RBFOX3: variants seen among roughly 807,000 people sequenced by gnomAD.
RBFOX3 encodes RNA binding fox-1 homolog 3, also known as RNA binding protein fox-1 homolog 3.
RBFOX3 carries 17 observed loss-of-function variants against 48.7 expected under a neutral mutation model. The observed-to-expected ratio is 0.35, with a 90% CI of 0.24 to 0.52. The LOEUF (loss-of-function observed/expected upper bound fraction) is 0.52. Ranked by LOEUF, RBFOX3 falls within the 20% of genes least tolerant of loss-of-function variation. The probability of loss-of-function intolerance (pLI) is 0.94; values close to 1 mark genes in which losing one functional copy is unlikely to be tolerated. For missense variants in RBFOX3, 382 were observed against 497.5 expected (o/e 0.77, Z 2.21); for synonymous variants, 212 against 209.5 (o/e 1.01, Z -0.10).
chr17:79,661,056 A>T, the RBFOX3 span, among the ~76,000 whole-genome samples: 4 of 152,222 alleles, frequency 2.6e-5, no homozygotes, highest in Non-Finnish European at 4.4e-5. Context: ...ACATGTTCTT[A>T]TAAGTAGGAG....
Position 79,397,258 on chromosome 17 carries a change from G to A in RBFOX3, c.-175+85196C>T, listed in dbSNP as rs111513912. Among the ~76,000 whole-genome samples the A allele has an allele frequency of 7.5e-3, 1,140 of 152,152 alleles. 14 individuals carry two copies. Among genetic ancestry groups the A allele is most frequent in the African/African-American group, 0.026 (1,085 of 41,484 alleles). On this transcript the variant is annotated intron_variant, in intron 2 of 14. Transcript: ENST00000693108. ...AGCACTTTGGGAGGCCGAGGCAGGC[G>A]GATCATGAGGTCAAGAGATCGAAAC...
intron 4 of RBFOX3, among the ~76,000 whole-genome samples, chr17:79,137,926 A>T (rs1259430470): frequency 2.6e-5 from 4 of 152,040 alleles, no homozygotes; most frequent in Non-Finnish European, 5.9e-5. Flanking sequence ...GCGCCTGTCA[A>T]CTCGGGGCTG....
intron 2 of RBFOX3, among the ~76,000 whole-genome samples, chr17:79,333,033 A>G (rs1424669146): frequency 6.6e-6 from 1 of 151,784 alleles, no homozygotes; most frequent in East Asian, 1.9e-4. Flanking sequence ...GGTGGGGGAG[A>G]GACATATAGA....
At chr17:79,344,443 C>A (rs901247542) in intron 2 of RBFOX3, among the ~76,000 whole-genome samples, 56 of 152,138 alleles carry the variant, frequency 3.7e-4, no homozygotes, top group Admixed American at 6.5e-5. Context: ...ACAGCCACCC[C>A]CTACCAGAGC....
At chr17:79,394,143 T>A (rs761997999) in intron 2 of RBFOX3, among the ~76,000 whole-genome samples, 2 of 152,158 alleles carry the variant, frequency 1.3e-5, no homozygotes, top group Non-Finnish European at 2.9e-5. Context: ...TCTGAGTTGG[T>A]CCCCGCGCAC....
chr17:79,627,060 C>T, the RBFOX3 span, among the ~76,000 whole-genome samples: 1 of 152,196 alleles, frequency 6.6e-6, no homozygotes, highest in Non-Finnish European at 1.5e-5. Flanking sequence ...AAAGGAAAAA[C>T]CTGGGGCTCA....
chr17:79,306,411 A>G (rs28634323), intron 3 of RBFOX3, among the ~76,000 whole-genome samples: 51,916 of 152,238 alleles, frequency 0.34, 10,771 homozygotes, highest in East Asian at 0.47. Flanking sequence ...GGCTGATCAA[A>G]GGAATCAGTG....
intron 4 of RBFOX3, among the ~76,000 whole-genome samples, chr17:79,138,870 A>ACC (rs2041186830): frequency 1.6e-5 from 1 of 64,462 alleles, no homozygotes; most frequent in Non-Finnish European, 2.9e-5. Flanking sequence ...GCCCCCTCTC[A>ACC]CCCACACACG....
chr17:79,563,829 C>T (rs1218976285), intron 1 of RBFOX3, among the ~76,000 whole-genome samples: 1 of 152,190 alleles, frequency 6.6e-6, no homozygotes, highest in Non-Finnish European at 1.5e-5. Context: ...ACAGAGCTGG[C>T]ATTTAATAAA....
intron 4 of RBFOX3, among the ~76,000 whole-genome samples, chr17:79,162,407 C>T (rs2047163247): frequency 6.6e-6 from 1 of 152,180 alleles, no homozygotes; most frequent in African/African-American, 2.4e-5. Flanking sequence ...CCCAGCCCTG[C>T]CTCTCTCCTG....
chr17:79,104,440 C>G (rs1310800574), intron 6 of RBFOX3, among the ~76,000 whole-genome samples: 1 of 152,080 alleles, frequency 6.6e-6, no homozygotes, highest in Non-Finnish European at 1.5e-5. Context: ...CCTTGGGGAG[C>G]TTTTACTGCC....
chr17:79,402,629 C>T (rs1598536680), intron 2 of RBFOX3, among the ~76,000 whole-genome samples: 4 of 152,168 alleles, frequency 2.6e-5, no homozygotes, highest in South Asian at 2.1e-4. Context: ...AGGGCCTGGA[C>T]GCTGAGCTCT....
At chr17:79,412,094 G>A (rs560229436) in intron 2 of RBFOX3, among the ~76,000 whole-genome samples, 2 of 152,266 alleles carry the variant, frequency 1.3e-5, no homozygotes, top group African/African-American at 2.4e-5. Context: ...ATATACGTAT[G>A]TGGGGTGGTG....
intron 12 of RBFOX3, 67 bp from the exon 13 acceptor site, chr17:79,095,641 G>A: frequency 1.4e-6 from 2 of 1,398,318 alleles, no homozygotes; most frequent in South Asian, 2.5e-5. Flanking sequence ...AAGGCTGAGT[G>A]GGGAGAGGAG....
intron 1 of RBFOX3, among the ~76,000 whole-genome samples, chr17:79,578,891 A>T (rs937396525): frequency 5.9e-5 from 9 of 151,960 alleles, no homozygotes; most frequent in Admixed American, 1.3e-4. Context: ...TCACCGCATG[A>T]CCCCAGTGGC....
intron 1 of RBFOX3, among the ~76,000 whole-genome samples, chr17:79,505,251 C>T (rs1298881915): frequency 6.6e-6 from 1 of 152,188 alleles, no homozygotes; most frequent in African/African-American, 2.4e-5. Flanking sequence ...AGGCCCACCA[C>T]ACCCCCGCTT....
intron 2 of RBFOX3, among the ~76,000 whole-genome samples, chr17:79,434,761 C>G (rs2069086679): frequency 1.3e-5 from 2 of 152,170 alleles, no homozygotes; most frequent in Admixed American, 1.3e-4. Flanking sequence ...AATCCTGACT[C>G]TGAACTTCAG....
At chr17:79,425,390 C>A (rs1598635701) in intron 2 of RBFOX3, among the ~76,000 whole-genome samples, 1 of 152,052 alleles carries the variant, frequency 6.6e-6, no homozygotes, top group Admixed American at 6.5e-5. Flanking sequence ...CAGTGTGTAG[C>A]CAAGCAGGGA....
chr17:79,579,025 G>A (rs957634811), intron 1 of RBFOX3, among the ~76,000 whole-genome samples: 13 of 152,170 alleles, frequency 8.5e-5, no homozygotes, highest in East Asian at 1.9e-4. Flanking sequence ...CCTGAGCATC[G>A]TGCTTGGTCC....
Sources: gnomAD v4.1 joint callset for allele counts (sites outside exome capture counted in the v4.1 genomes callset) on GRCh38, gnomAD v4.1.1 for gene constraint, MANE v1.5 for transcripts, NCBI Gene and HGNC (gene_info 2026-07-23, HGNC 2026-07-21) for gene names.